CCDC18: variants seen among roughly 807,000 people sequenced by gnomAD.
CCDC18 encodes the protein coiled-coil domain-containing protein 18.
Under a neutral mutation model 196.0 loss-of-function variants are expected in CCDC18, and 157 were observed. That is an observed-to-expected ratio of 0.80 (90% confidence interval 0.70 to 0.91). CCDC18 has a LOEUF of 0.91. Ranked by LOEUF, CCDC18 falls within the 40% of genes least tolerant of loss-of-function variation. The pLI is 0.00. For missense variants in CCDC18, 1,465 were observed against 1,611.6 expected (o/e 0.91, Z 1.56); for synonymous variants, 482 against 529.2 (o/e 0.91, Z 1.22).
chr1:93,184,443 T>A (rs1350076195), intron 3 of CCDC18, among the ~76,000 whole-genome samples: 1 of 151,962 alleles, frequency 6.6e-6, no homozygotes, highest in African/African-American at 2.4e-5. Flanking sequence ...CCCCTTGATT[T>A]TAACACTACA....
intron 16 of CCDC18, among the ~76,000 whole-genome samples, chr1:93,223,507 G>A (rs1570433436): frequency 6.6e-6 from 1 of 152,048 alleles, no homozygotes; most frequent in Admixed American, 6.6e-5. Context: ...CTTGTTCTCT[G>A]CAAAAGAAAT....
intron 21 of CCDC18, among the ~76,000 whole-genome samples, chr1:93,241,723 C>CAAAAAA (rs35810581): frequency 7.5e-4 from 45 of 59,854 alleles, no homozygotes; most frequent in East Asian, 2.1e-3. Flanking sequence ...GACTCCATCT[C>CAAAAAA]AAAAAAAAAA....
chr1:93,274,621 A>T (rs1665529457), intron 28 of CCDC18, among the ~76,000 whole-genome samples: 1 of 151,804 alleles, frequency 6.6e-6, no homozygotes, highest in South Asian at 2.1e-4. Flanking sequence ...AAGCAGGAGG[A>T]TTACTTGAGA....
At position 93,221,729 on chromosome 1, in the gene CCDC18, A is replaced by G; in HGVS notation, c.2083A>G (p.Thr695Ala). 6.3e-7 allele frequency: 1 copy of G among 1,598,932 alleles called. No individual in the cohort carries two copies. Among genetic ancestry groups the G allele is most frequent in the East Asian group, 2.2e-5 (1 of 44,476 alleles). Residue 695 changes from threonine (T) to alanine (A), a missense_variant, in exon 15 of 29, where the codon ACG becomes GCG. Physicochemically the swap from Thr to Ala is moderately conservative, Grantham distance 58. Transcript: ENST00000690025. ...HHLESLDRLL[T>A]ESKGEMKKEN... ...TCTTGAATCACTAGATAGACTCTTG[A>G]CGGAAAGCAAAGGGGTAAAATCATC...
At chr1:93,183,204 T>C (rs540857956) in intron 1 of CCDC18, among the ~76,000 whole-genome samples, 156 bp from the exon 2 acceptor site, 1 of 152,266 alleles carries the variant, frequency 6.6e-6, no homozygotes, top group East Asian at 1.9e-4. Flanking sequence ...GATAAATTCA[T>C]TATTATTGAT....
At chr1:93,196,065 G>A (rs1419393557) in intron 6 of CCDC18, among the ~76,000 whole-genome samples, 4 of 152,196 alleles carry the variant, frequency 2.6e-5, no homozygotes, top group Non-Finnish European at 4.4e-5. Context: ...GCTAACACCT[G>A]TAATCCTAGC....
At chr1:93,258,941 T>G in intron 26 of CCDC18, 56 bp downstream of exon 26, 14 of 1,445,616 alleles carry the variant, frequency 9.7e-6, no homozygotes, top group South Asian at 1.4e-5. Context: ...TTGACCTATC[T>G]GGACAAAAGT....
chr1:93,264,642 G>A lies in CCDC18; in HGVS notation c.3685-59G>A, dbSNP rs1458480842. The A allele has an allele frequency of 9.9e-6, 10 of 1,013,016 alleles. 1 individual carries two copies. Among genetic ancestry groups the A allele is most frequent in the Middle Eastern group, 4.3e-4 (2 of 4,696 alleles). 62.8% of individuals were successfully genotyped at this position (1,013,016 alleles called of 1,614,324 possible). On this transcript the variant is annotated intron_variant, in intron 26 of 28. Coordinates refer to ENST00000690025, the MANE Select transcript of CCDC18 (RefSeq NM_001378204.1). ...AAGTAGAAAGCATTAGACTGTTGTC[G>A]AATCCAGTTTCCTTCCATTTTTTTA...
At position 93,214,916 on chromosome 1, in the gene CCDC18, C is replaced by G. The variant is rs761037021; in HGVS notation, c.1669C>G (p.Gln557Glu). ...AHRTSQFQLIQEELLEKASNS... is the reference protein window; with the variant it reads ...AHRTSQFQLIEEELLEKASNS... ...CAGAACTAGTCAGTTTCAGCTGATT[C>G]AAGAGGAGCTGCTAGAGAAAGCTTC... is the stretch of plus-strand genomic sequence containing the variant. Residue 557 changes from glutamine (Q) to glutamate (E), a missense_variant, in exon 12 of 29, where the codon CAA (glutamine) becomes GAA (glutamate). By Grantham distance (29) the Gln-to-Glu change is conservative. Coordinates refer to ENST00000690025, the MANE Select transcript of CCDC18 (RefSeq NM_001378204.1). 2.4e-5 allele frequency: 39 copies of G among 1,611,388 alleles called. No homozygotes were observed. The highest frequency in any genetic ancestry group is 3.1e-5 in the Non-Finnish European group (37 of 1,178,556).
chr1:93,198,407 G>A (rs1468841211), intron 6 of CCDC18, among the ~76,000 whole-genome samples: 1 of 152,160 alleles, frequency 6.6e-6, no homozygotes, highest in African/African-American at 2.4e-5. Flanking sequence ...ATCAAGGATA[G>A]GCAAAATTAA....
intron 16 of CCDC18, among the ~76,000 whole-genome samples, chr1:93,224,849 G>C (rs188433094): frequency 6.6e-6 from 1 of 152,226 alleles, no homozygotes; most frequent in East Asian, 1.9e-4. Flanking sequence ...TATTTTCTCT[G>C]TGTGAAGGAT....
At chr1:93,217,688 C>T (rs982134526) in intron 13 of CCDC18, 50 bp from the exon 14 acceptor site, 2 of 1,508,338 alleles carry the variant, frequency 1.3e-6, no homozygotes, top group Admixed American at 2.0e-5. Flanking sequence ...ATCTGCCTGC[C>T]TTGGCCTCCC....
Position 93,228,504 on chromosome 1 carries a change from G to GT in CCDC18, c.2292+2058dup, listed in dbSNP as rs199579179. On this transcript the variant is annotated intron_variant, in intron 17 of 28. Transcript: ENST00000690025. ...ATCAAGTAATTATATAGCCTTAGAAGTTTAAAAAAAAAAAAAAAAACTTCA... is the reference window on the plus strand; with the variant it reads ...ATCAAGTAATTATATAGCCTTAGAAGTTTTAAAAAAAAAAAAAAAAACTTCA... Among the ~76,000 whole-genome samples the GT allele has an allele frequency of 6.2e-3, 791 of 127,700 alleles. 3 individuals are homozygous for GT. Among genetic ancestry groups the GT allele is most frequent in the African/African-American group, 0.014 (391 of 27,872 alleles). 83.8% of individuals were successfully genotyped at this position (127,700 alleles called of 152,430 possible). A position where few individuals can be genotyped will look rare whatever the true frequency, so the allele number is the denominator to read the frequency against.
chr1:93,234,872 T>C (rs2100757782), intron 18 of CCDC18, among the ~76,000 whole-genome samples: 1 of 151,242 alleles, frequency 6.6e-6, no homozygotes, highest in East Asian at 1.9e-4. Context: ...AGCCTCAACT[T>C]CCCTGGGCTC....
chr1:93,214,631 T>C (rs1292269787), intron 11 of CCDC18, 112 bp from the exon 12 acceptor site: 6 of 669,992 alleles, frequency 9.0e-6, no homozygotes, highest in Non-Finnish European at 1.5e-5. Context: ...TCCCTTTTAG[T>C]ACTCTTTAGA....
Position 93,264,815 on chromosome 1 carries a change from G to T in CCDC18, c.3799G>T (p.Ala1267Ser). 2 of 1,613,516 alleles carry T rather than the reference G, an allele frequency of 1.2e-6. No individual in the cohort carries two copies. The highest frequency in any genetic ancestry group is 1.7e-6 in the Non-Finnish European group (2 of 1,179,606). Residue 1267 changes from alanine to serine, a missense_variant, in exon 27 of 29, where the codon GCT (alanine) becomes TCT (serine). Physicochemically the swap from Ala to Ser is moderately conservative, Grantham distance 99. Transcript: ENST00000690025. ...GAAGGCAAAATTGGAATTAGAAGAA[G>T]CTCAGGATACTGTAAGCAATTTGCA... ...LEKAKLELEE[A>S]QDTVSNLHQQ...
intron 4 of CCDC18, chr1:93,191,086 AGAT>A: frequency 1.9e-6 from 1 of 536,088 alleles, no homozygotes; most frequent in Non-Finnish European, 3.2e-6. Context: ...ATCAGCAAGG[AGAT>A]TTTTTTTTTT....
At chr1:93,231,864 T>C (rs1344866587) in intron 17 of CCDC18, among the ~76,000 whole-genome samples, 1 of 152,190 alleles carries the variant, frequency 6.6e-6, no homozygotes, top group Admixed American at 6.5e-5. Context: ...GCACCAAACA[T>C]CATATAGTGC....
intron 6 of CCDC18, 30 bp from the exon 7 acceptor site, chr1:93,201,862 T>G (rs774644240): frequency 7.1e-7 from 1 of 1,405,844 alleles, no homozygotes; most frequent in Non-Finnish European, 9.8e-7. Flanking sequence ...CATTCTTCAC[T>G]TTTATTCATT....
Sources: gnomAD v4.1 joint callset for allele counts (sites outside exome capture counted in the v4.1 genomes callset) on GRCh38, gnomAD v4.1.1 for gene constraint, MANE v1.5 for transcripts, NCBI Gene and HGNC (gene_info 2026-07-23, HGNC 2026-07-21) for gene names.